Variants in CCDC88C observed in about 807,000 individuals in gnomAD.
CCDC88C encodes coiled-coil and HOOK domain protein 88C, also known as protein Daple.
In CCDC88C, 131 loss-of-function variants were observed where a neutral mutation model predicts 198.8. That is an observed-to-expected ratio of 0.66 (90% CI 0.57 to 0.76). CCDC88C has a LOEUF of 0.76. Ranked by LOEUF, CCDC88C falls within the 30% of genes least tolerant of loss-of-function variation. The pLI is 0.00. For synonymous variants in CCDC88C, 1,166 were observed against 1,114.7 expected (o/e 1.05, Z -0.92); for missense variants, 2,553 against 2,631.6 (o/e 0.97, Z 0.65).
Position 91,272,503 on chromosome 14 carries a change from G to C in CCDC88C, c.*122C>G, listed in dbSNP as rs369829625. On this transcript the variant is annotated 3_prime_UTR_variant, in exon 30 of 30. Transcript: ENST00000389857. ...TTCACAGAACAAACAGCAGAAATGC[G>C]TGGGAACCCCTTTCCTCATTCCAAA... 2.0e-6 allele frequency: 2 copies of C among 994,800 alleles called. No individual in the cohort carries two copies. Among genetic ancestry groups the C allele is most frequent in the Non-Finnish European group, 3.0e-6 (2 of 675,126 alleles). 61.6% of individuals were successfully genotyped at this position (994,800 alleles called of 1,614,324 possible).
chr14:91,335,602 T>A (rs1306463329), intron 10 of CCDC88C, among the ~76,000 whole-genome samples: 2 of 152,282 alleles, frequency 1.3e-5, no homozygotes, highest in African/African-American at 4.8e-5. Flanking sequence ...TGGTGTTGCA[T>A]CCTAACCATG....
Position 91,359,625 on chromosome 14 carries a change from G to A in CCDC88C, c.340+17C>T, listed in dbSNP as rs1894211094. ...TGGCTGGGCACCACAGGGGAGAAGG[G>A]AGCGGCTTTCACTCACCAGACAGTG... On this transcript the variant is annotated intron_variant, in intron 4 of 29. Coordinates refer to ENST00000389857, the MANE Select transcript of CCDC88C (RefSeq NM_001080414.4). The A allele has an allele frequency of 6.3e-7, 1 of 1,597,238 alleles. No homozygotes were observed. The highest frequency in any genetic ancestry group is 8.5e-7 in the Non-Finnish European group (1 of 1,171,180).
Position 91,321,294 on chromosome 14 carries a change from C to T in CCDC88C, c.1353G>A (p.Lys451=). ...ATTCGTTCAGCTCAAACACAAACGA[C>T]TTCCTGGAGGCTGAAGACAAAGTCC... The part of the protein sequence containing the change: ...KNADLSDASR[K]SFVFELNECA... The change falls in exon 13 of 30, where the codon AAG becomes AAA. Residue 451 remains lysine (K), a synonymous_variant. Transcript: ENST00000389857. 1 of 1,555,046 alleles carries T rather than the reference C, an allele frequency of 6.4e-7. No individual in the cohort carries two copies. Among genetic ancestry groups the T allele is most frequent in the Non-Finnish European group, 8.7e-7 (1 of 1,148,916 alleles).
intron 16 of CCDC88C, among the ~76,000 whole-genome samples, chr14:91,308,929 C>G (rs934805780): frequency 3.3e-5 from 5 of 152,130 alleles, no homozygotes; most frequent in African/African-American, 1.2e-4. Context: ...GTTCGATTTC[C>G]CAAAAAACAA....
intron 4 of CCDC88C, among the ~76,000 whole-genome samples, chr14:91,359,294 T>C (rs746698864): frequency 1.1e-4 from 16 of 150,972 alleles, no homozygotes; most frequent in Non-Finnish European, 1.8e-4. Context: ...GGGACTACCA[T>C]GCCCAACTAA....
chr14:91,303,098 T>C (rs928799442), intron 20 of CCDC88C, among the ~76,000 whole-genome samples: 7 of 152,122 alleles, frequency 4.6e-5, no homozygotes, highest in African/African-American at 1.4e-4. Flanking sequence ...GGCCAAGAGA[T>C]TTCCTGCAGG....
intron 3 of CCDC88C, among the ~76,000 whole-genome samples, chr14:91,402,144 C>A (rs115352120): frequency 1.3e-3 from 201 of 152,078 alleles, no homozygotes; most frequent in African/African-American, 4.6e-3. Flanking sequence ...GACGTGGTGG[C>A]GCACACCTGT....
chr14:91,400,203 C>T (rs1376037724), intron 3 of CCDC88C, among the ~76,000 whole-genome samples: 2 of 152,226 alleles, frequency 1.3e-5, no homozygotes, highest in Non-Finnish European at 2.9e-5. Flanking sequence ...GAAAGAGAAA[C>T]AGAAAGAGGA....
intron 2 of CCDC88C, 73 bp from the exon 3 acceptor site, chr14:91,408,840 C>T: frequency 1.0e-6 from 1 of 973,308 alleles, no homozygotes; most frequent in East Asian, 2.5e-5. Context: ...AGCCACGACC[C>T]AGCATCTTGT....
chr14:91,385,255 C>T (rs1885057294), intron 3 of CCDC88C, among the ~76,000 whole-genome samples: 1 of 152,168 alleles, frequency 6.6e-6, no homozygotes, highest in African/African-American at 2.4e-5. Context: ...CAGCCAGGGC[C>T]CCAACACACC....
chr14:91,305,997 G>C, intron 18 of CCDC88C, 71 bp from the exon 19 acceptor site: 2 of 1,516,450 alleles, frequency 1.3e-6, no homozygotes, highest in Middle Eastern at 1.7e-4. Flanking sequence ...AGGTACTTGG[G>C]TTGTAACGAA....
At chr14:91,351,575 C>CG (rs1893798133) in intron 4 of CCDC88C, among the ~76,000 whole-genome samples, 1 of 152,198 alleles carries the variant, frequency 6.6e-6, no homozygotes, top group South Asian at 2.1e-4. Context: ...CCTCTACGCA[C>CG]GGGCTCACAT....
Position 91,272,547 on chromosome 14 carries a change from GGCAA to G in CCDC88C, c.*74_*77del. On this transcript the variant is annotated 3_prime_UTR_variant, in exon 30 of 30. Transcript: ENST00000389857. Reference sequence around the variant, plus strand: ...TTCCAAACCCTCTCCTGGCACCGCAGGCAAGCAAGAGAAAAGGCCGTGAGAGTCG... The same window carrying G: ...TTCCAAACCCTCTCCTGGCACCGCAGGCAAGAGAAAAGGCCGTGAGAGTCG... 1 of 1,452,974 alleles carries G rather than the reference GGCAA, an allele frequency of 6.9e-7. No individual in the cohort carries two copies. Among genetic ancestry groups the G allele is most frequent in the African/African-American group, 1.4e-5 (1 of 71,198 alleles). The allele number at this position is 1,452,974 out of a possible 1,614,324, so 90.0% of individuals were successfully genotyped here. A position where few individuals can be genotyped will look rare whatever the true frequency, so the allele number is the denominator to read the frequency against.
At chr14:91,328,703 G>A (rs779542240) in intron 10 of CCDC88C, among the ~76,000 whole-genome samples, 30 of 152,150 alleles carry the variant, frequency 2.0e-4, no homozygotes, top group Non-Finnish European at 3.8e-4. Context: ...TCCTTTACAC[G>A]ATGGGCCTAA....
At chr14:91,401,093 T>C (rs1349700640) in intron 3 of CCDC88C, among the ~76,000 whole-genome samples, 1 of 151,474 alleles carries the variant, frequency 6.6e-6, no homozygotes, top group Non-Finnish European at 1.5e-5. Flanking sequence ...AACAGTATAA[T>C]GATACGAGCC....
At chr14:91,384,731 G>A (rs1885023102) in intron 3 of CCDC88C, among the ~76,000 whole-genome samples, 1 of 152,158 alleles carries the variant, frequency 6.6e-6, no homozygotes. Context: ...AGGGCCAGCT[G>A]GGGAACCAGG....
chr14:91,336,675 T>C (rs1350450629), intron 10 of CCDC88C, among the ~76,000 whole-genome samples: 1 of 152,208 alleles, frequency 6.6e-6, no homozygotes, highest in Non-Finnish European at 1.5e-5. Flanking sequence ...AGGCATGGGC[T>C]GGCTTTGCAC....
chr14:91,394,467 T>C (rs1328146669), intron 3 of CCDC88C, among the ~76,000 whole-genome samples: 2 of 152,220 alleles, frequency 1.3e-5, no homozygotes, highest in African/African-American at 4.8e-5. Context: ...GGGGGCACTT[T>C]GCAGGGTCAT....
chr14:91,403,629 C>T (rs1027255373), intron 3 of CCDC88C, among the ~76,000 whole-genome samples: 19 of 152,376 alleles, frequency 1.2e-4, no homozygotes, highest in African/African-American at 4.6e-4. Flanking sequence ...TTAATTTTAA[C>T]AAAAGCCAGG....
Sources: gnomAD v4.1 joint callset for allele counts (sites outside exome capture counted in the v4.1 genomes callset) on GRCh38, gnomAD v4.1.1 for gene constraint, MANE v1.5 for transcripts, NCBI Gene and HGNC (gene_info 2026-07-23, HGNC 2026-07-21) for gene names.